Variants in GMPS observed in about 807,000 individuals in gnomAD.
GMPS encodes the protein guanosine monophosphate synthase, also known as GMP synthase [glutamine-hydrolyzing].
A neutral mutation model predicts 77.9 loss-of-function variants in GMPS; 15 were observed. That is an observed-to-expected ratio of 0.19 (90% CI 0.13 to 0.30). The LOEUF (loss-of-function observed/expected upper bound fraction) is 0.30, where lower values mean the gene tolerates loss of function less well. Among genes scored for constraint, GMPS ranks in the 10% least tolerant of loss-of-function variants. The pLI, the probability that GMPS is intolerant of heterozygous loss-of-function variation, is 1.00. For missense variants in GMPS, 590 were observed against 838.8 expected, an observed-to-expected ratio of 0.70 and a Z score of 3.66; for synonymous variants, 224 against 275.9, an observed-to-expected ratio of 0.81 and a Z score of 1.86.
chr3:155,912,616 G>T (rs952874875), intron 7 of GMPS, among the ~76,000 whole-genome samples: 1 of 152,204 alleles, frequency 6.6e-6, no homozygotes, highest in Non-Finnish European at 1.5e-5. Context: ...AATTATTTCT[G>T]TGTATAGTTA....
Position 155,937,828 on chromosome 3 carries a change from A to C in GMPS, c.*136A>C. 1.7e-6 allele frequency: 1 copy of C among 593,000 alleles called. No homozygotes were observed. The highest frequency in any genetic ancestry group is 1.9e-5 in the African/African-American group (1 of 53,838). 36.7% of individuals were successfully genotyped at this position (593,000 alleles called of 1,614,324 possible). ...TCTGAGTTCTCCACAGCAAAAATCTACGGCTTAAGAGCTGAGTTGGGGATA... is the reference window on the plus strand; with the variant it reads ...TCTGAGTTCTCCACAGCAAAAATCTCCGGCTTAAGAGCTGAGTTGGGGATA... On this transcript the variant is annotated 3_prime_UTR_variant, in exon 16 of 16. Coordinates refer to ENST00000496455, the MANE Select transcript of GMPS (RefSeq NM_003875.3).
chr3:155,914,611 A>G (rs1213650889), intron 8 of GMPS, 41 bp downstream of exon 8: 7 of 1,302,810 alleles, frequency 5.4e-6, no homozygotes, highest in Non-Finnish European at 7.4e-6. Flanking sequence ...ACTATTTTTG[A>G]TGTGAATCTT....
rs190592115 is a variant in GMPS at position 155,926,183 on chromosome 3, T to G, written c.1560+817T>G. 5.5e-3 allele frequency among the ~76,000 whole-genome samples: 831 copies of G among 152,198 alleles called. 2 individuals carry two copies. Among genetic ancestry groups the G allele is most frequent in the South Asian group, 0.014 (67 of 4,828 alleles). On this transcript the variant is annotated intron_variant, in intron 12 of 15. Coordinates refer to ENST00000496455, the MANE Select transcript of GMPS (RefSeq NM_003875.3). The stretch of plus-strand genomic sequence containing the variant: ...AGCACCATCATGCCTGGCTAATTTT[T>G]AAATTTTTTTGTAGAGATAGGGTCT...
intron 1 of GMPS, among the ~76,000 whole-genome samples, chr3:155,876,402 T>C (rs1455332956): frequency 6.6e-6 from 1 of 152,230 alleles, no homozygotes; most frequent in Non-Finnish European, 1.5e-5. Context: ...TACCAGTATT[T>C]GGCATTCAGA....
At chr3:155,905,425 G>A (rs1290176505) in intron 4 of GMPS, among the ~76,000 whole-genome samples, 2 of 152,084 alleles carry the variant, frequency 1.3e-5, no homozygotes, top group Admixed American at 1.3e-4. Flanking sequence ...TTTGATTAAT[G>A]TTACTTAAGT....
chr3:155,875,450 C>T (rs1463668498), intron 1 of GMPS, among the ~76,000 whole-genome samples: 1 of 152,166 alleles, frequency 6.6e-6, no homozygotes, highest in Non-Finnish European at 1.5e-5. Flanking sequence ...AGGCTGGTCT[C>T]GAACTCCTGG....
chr3:155,906,400 G>GAAT (rs2108094978), intron 5 of GMPS, 137 bp downstream of exon 5: 1 of 536,616 alleles, frequency 1.9e-6, no homozygotes, highest in East Asian at 3.0e-5. Flanking sequence ...AGATAATAAT[G>GAAT]AATGTAGGAT....
At chr3:155,915,694 T>G (rs1051996238) in intron 8 of GMPS, among the ~76,000 whole-genome samples, 2 of 152,098 alleles carry the variant, frequency 1.3e-5, no homozygotes, top group Non-Finnish European at 2.9e-5. Flanking sequence ...CCACCACACC[T>G]GGCCACTAAT....
At chr3:155,886,665 G>A (rs528276783) in intron 1 of GMPS, among the ~76,000 whole-genome samples, 1 of 131,974 alleles carries the variant, frequency 7.6e-6, no homozygotes, top group African/African-American at 2.9e-5. Flanking sequence ...CTGTCACCCA[G>A]GCTGGAGTGC....
chr3:155,888,943 A>G (rs560179377), intron 1 of GMPS, among the ~76,000 whole-genome samples: 1 of 151,718 alleles, frequency 6.6e-6, no homozygotes, highest in East Asian at 2.0e-4. Context: ...CTGGTCTCGA[A>G]CTCATGGGCT....
At chr3:155,910,517 C>T (rs955271384) in intron 5 of GMPS, among the ~76,000 whole-genome samples, 175 bp from the exon 6 acceptor site, 11 of 143,186 alleles carry the variant, frequency 7.7e-5, no homozygotes, top group Non-Finnish European at 1.3e-4. Context: ...TGCAGTGAGC[C>T]GAGATCATGC....
chr3:155,915,238 G>GT (rs35664957), intron 8 of GMPS, among the ~76,000 whole-genome samples: 37,310 of 133,036 alleles, frequency 0.28, 5,390 homozygotes, highest in South Asian at 0.36. Flanking sequence ...CTTTGTTTTT[G>GT]TTTTTTTTTT....
At chr3:155,937,306 T>A (rs569352412) in intron 15 of GMPS, among the ~76,000 whole-genome samples, 1 of 152,338 alleles carries the variant, frequency 6.6e-6, no homozygotes, top group Non-Finnish European at 1.5e-5. Flanking sequence ...TCTTAAGCAC[T>A]TGTGGCTCAG....
At chr3:155,912,113 G>A (rs1267748592) in intron 7 of GMPS, among the ~76,000 whole-genome samples, 1 of 152,104 alleles carries the variant, frequency 6.6e-6, no homozygotes, top group African/African-American at 2.4e-5. Context: ...GTAGTTTAAT[G>A]ATAAAAGTTA....
chr3:155,916,512 G>A lies in GMPS; in HGVS notation c.1212+320G>A, dbSNP rs569100109. Among the ~76,000 whole-genome samples, 6 of 152,214 alleles carry A rather than the reference G, an allele frequency of 3.9e-5. No individual in the cohort carries two copies. In the South Asian group the frequency reaches 1.2e-3, roughly 32 times the overall value. On this transcript the variant is annotated intron_variant, in intron 9 of 15. Transcript: ENST00000496455. ...TTGGGCATTTTATATAAATGGAATGGTACAATATGTGGTCTTTTATGACTG... is the reference window on the plus strand; with the variant it reads ...TTGGGCATTTTATATAAATGGAATGATACAATATGTGGTCTTTTATGACTG...
intron 1 of GMPS, among the ~76,000 whole-genome samples, chr3:155,883,479 A>G (rs1754256895): frequency 6.6e-6 from 1 of 152,226 alleles, no homozygotes; most frequent in Non-Finnish European, 1.5e-5. Flanking sequence ...CAGTATATTT[A>G]GAAAAATACA....
chr3:155,922,552 T>C (rs774084151), intron 11 of GMPS, among the ~76,000 whole-genome samples: 13 of 152,232 alleles, frequency 8.5e-5, no homozygotes, highest in Non-Finnish European at 1.5e-4. Context: ...TTTATGTGTA[T>C]TTCAAGATAG....
At position 155,931,827 on chromosome 3, in the gene GMPS, A is replaced by G. The variant is rs756292800; in HGVS notation, c.1623A>G (p.Glu541=). The G allele has an allele frequency of 3.1e-6, 5 of 1,600,136 alleles. No homozygotes were observed. Among genetic ancestry groups the G allele is most frequent in the African/African-American group, 1.3e-5 (1 of 74,584 alleles). Residue 541 remains glutamate (E), a synonymous_variant, in exon 13 of 16, where the codon GAA becomes GAG. Coordinates refer to ENST00000496455, the MANE Select transcript of GMPS (RefSeq NM_003875.3). The part of the protein sequence containing the change: ...GISSKDEPDW[E]SLIFLARLIP... ...CCAGTAAAGATGAACCTGACTGGGA[A>G]TCACTTATTTTTCTGGCTAGGCTTA...
intron 5 of GMPS, among the ~76,000 whole-genome samples, chr3:155,907,289 C>T (rs1177500344): frequency 6.6e-6 from 1 of 152,124 alleles, no homozygotes; most frequent in Non-Finnish European, 1.5e-5. Flanking sequence ...AAGGATTTAG[C>T]AATGAATAAA....
Sources: allele counts gnomAD v4.1 joint callset (sites outside exome capture counted in the v4.1 genomes callset), GRCh38; gene constraint gnomAD v4.1.1; transcripts MANE v1.5; gene names NCBI Gene and HGNC (gene_info 2026-07-23, HGNC 2026-07-21).